The following TBC1D22A variants were observed in gnomAD, a reference collection of about 807,000 sequenced individuals.
TBC1D22A encodes the protein TBC1 domain family member 22A.
In TBC1D22A, 38 loss-of-function variants were observed where a neutral mutation model predicts 60.2. The ratio of observed to expected loss-of-function variants is 0.63; its 90% CI spans 0.49 to 0.83. TBC1D22A has a LOEUF of 0.83. Ranked by LOEUF, TBC1D22A falls within the 40% of genes least tolerant of loss-of-function variation. The pLI is 0.00. For missense variants in TBC1D22A, 628 were observed against 701.0 expected, an observed-to-expected ratio of 0.90 and a Z score of 1.18; for synonymous variants, 302 against 281.7, an observed-to-expected ratio of 1.07 and a Z score of -0.72.
intron 3 of TBC1D22A, 57 bp downstream of exon 3, chr22:46,793,898 C>T: frequency 2.1e-6 from 3 of 1,431,318 alleles, no homozygotes; most frequent in South Asian, 1.4e-5. Flanking sequence ...AAGAAAGTGG[C>T]CAGAACACAC....
At chr22:46,913,161 C>A (rs2070078958) in intron 8 of TBC1D22A, among the ~76,000 whole-genome samples, 1 of 152,118 alleles carries the variant, frequency 6.6e-6, no homozygotes, top group African/African-American at 2.4e-5. Context: ...TAAGTTAAAA[C>A]CTCTGATAAT....
At chr22:47,073,523 A>T (rs112473403) in intron 11 of TBC1D22A, among the ~76,000 whole-genome samples, 4,363 of 152,240 alleles carry the variant, frequency 0.029, 184 homozygotes, top group African/African-American at 0.1. Flanking sequence ...AGCCTCATAA[A>T]TATATACAAT....
At chr22:47,153,422 G>A (rs2067581869) in intron 12 of TBC1D22A, among the ~76,000 whole-genome samples, 1 of 152,082 alleles carries the variant, frequency 6.6e-6, no homozygotes, top group South Asian at 2.1e-4. Context: ...GGCAGCCCCT[G>A]CCATGGTGCT....
chr22:47,079,856 G>A (rs1178881034), intron 11 of TBC1D22A, among the ~76,000 whole-genome samples: 2 of 152,218 alleles, frequency 1.3e-5, no homozygotes, highest in African/African-American at 2.4e-5. Context: ...GAATAGACAA[G>A]CAAGATCCAA....
intron 4 of TBC1D22A, among the ~76,000 whole-genome samples, chr22:46,797,904 A>G (rs2084728176): frequency 6.6e-6 from 1 of 150,964 alleles, no homozygotes; most frequent in Non-Finnish European, 1.5e-5. Flanking sequence ...ACAAGGTCTT[A>G]CTCTGTTGCC....
intron 4 of TBC1D22A, among the ~76,000 whole-genome samples, chr22:46,825,456 C>T (rs1029654802): frequency 3.3e-5 from 5 of 152,098 alleles, no homozygotes; most frequent in African/African-American, 1.2e-4. Flanking sequence ...TACCCACTTG[C>T]CAAAAAAGAT....
Position 47,170,854 on chromosome 22 carries a change from C to T in TBC1D22A, c.1426-2644C>T, listed in dbSNP as rs1174227621. On this transcript the variant is annotated intron_variant, in intron 12 of 12. Transcript: ENST00000337137. ...GGTGTGTAACCCTCCTGATGCAGGACCGGAGAGAGGACAGTCCTGGTGTGT... is the reference window on the plus strand; with the variant it reads ...GGTGTGTAACCCTCCTGATGCAGGATCGGAGAGAGGACAGTCCTGGTGTGT... Among the ~76,000 whole-genome samples, 2 of 130,196 alleles carry T rather than the reference C, an allele frequency of 1.5e-5. 1 individual carries two copies. The highest frequency in any genetic ancestry group is 3.1e-5 in the Non-Finnish European group (2 of 64,870). The allele number at this position is 130,196 out of a possible 152,430, so 85.4% of individuals were successfully genotyped here. A position where few individuals can be genotyped will look rare whatever the true frequency, so the allele number is the denominator to read the frequency against.
intron 4 of TBC1D22A, among the ~76,000 whole-genome samples, chr22:46,823,697 T>C (rs918951517): frequency 6.6e-6 from 1 of 152,218 alleles, no homozygotes; most frequent in Non-Finnish European, 1.5e-5. Flanking sequence ...AGCGATGCTA[T>C]TGAGTTTTCT....
intron 12 of TBC1D22A, among the ~76,000 whole-genome samples, chr22:47,124,530 G>T (rs1292704146): frequency 6.6e-6 from 1 of 152,218 alleles, no homozygotes; most frequent in African/African-American, 2.4e-5. Flanking sequence ...ATGGGGAGGG[G>T]ACCTGCCTGT....
At chr22:47,160,354 G>A (rs1370521913) in intron 12 of TBC1D22A, among the ~76,000 whole-genome samples, 1 of 152,234 alleles carries the variant, frequency 6.6e-6, no homozygotes, top group African/African-American at 2.4e-5. Flanking sequence ...CCGGGGCCAG[G>A]CTCTGCCGTC....
intron 8 of TBC1D22A, among the ~76,000 whole-genome samples, chr22:46,928,964 G>T (rs188196996): frequency 1.1e-4 from 16 of 152,108 alleles, no homozygotes; most frequent in African/African-American, 3.6e-4. Flanking sequence ...GGGGGCCGGG[G>T]GATTGACTGT....
chr22:46,784,058 T>C (rs1387620721), intron 1 of TBC1D22A, among the ~76,000 whole-genome samples: 3 of 152,216 alleles, frequency 2.0e-5, no homozygotes, highest in African/African-American at 7.2e-5. Flanking sequence ...AATATCCTTT[T>C]TTTTGTATAC....
intron 3 of TBC1D22A, among the ~76,000 whole-genome samples, chr22:46,796,672 C>G (rs2084667794): frequency 1.4e-5 from 2 of 138,068 alleles, no homozygotes; most frequent in Non-Finnish European, 3.1e-5. Context: ...GTCTCACCAC[C>G]TGCTTGGATC....
At chr22:47,149,583 G>T (rs2067423408) in intron 12 of TBC1D22A, among the ~76,000 whole-genome samples, 1 of 152,238 alleles carries the variant, frequency 6.6e-6, no homozygotes, top group Admixed American at 6.5e-5. Flanking sequence ...AGGACTAGTG[G>T]GGAAGGGACA....
chr22:47,037,651 T>C (rs2062700077), intron 11 of TBC1D22A, among the ~76,000 whole-genome samples: 1 of 152,024 alleles, frequency 6.6e-6, no homozygotes, highest in African/African-American at 2.4e-5. Flanking sequence ...TAAATAAAAA[T>C]AAAAGAGTAT....
chr22:46,792,882 C>G (rs1817548139), intron 2 of TBC1D22A: 1 of 1,427,768 alleles, frequency 7.0e-7, no homozygotes, highest in African/African-American at 1.4e-5. Flanking sequence ...TCCATGCTGG[C>G]TTGTCCTTTC....
chr22:47,003,160 T>C (rs2061451778), intron 10 of TBC1D22A, among the ~76,000 whole-genome samples: 1 of 152,118 alleles, frequency 6.6e-6, no homozygotes, highest in African/African-American at 2.4e-5. Flanking sequence ...GTGAACAATT[T>C]TTTAATATAA....
chr22:46,959,943 C>T (rs901503728), intron 8 of TBC1D22A, among the ~76,000 whole-genome samples: 2 of 152,202 alleles, frequency 1.3e-5, no homozygotes, highest in Non-Finnish European at 2.9e-5. Flanking sequence ...TGAAAGTCTC[C>T]TTTAGCTTTG....
At chr22:46,985,064 G>T (rs1426373185) in intron 9 of TBC1D22A, among the ~76,000 whole-genome samples, 1 of 152,222 alleles carries the variant, frequency 6.6e-6, no homozygotes, top group African/African-American at 2.4e-5. Flanking sequence ...CATGAGCTCA[G>T]GCAGCTGGAA....
Sources: gnomAD v4.1 joint callset for allele counts (sites outside exome capture counted in the v4.1 genomes callset) on GRCh38, gnomAD v4.1.1 for gene constraint, MANE v1.5 for transcripts, NCBI Gene and HGNC (gene_info 2026-07-23, HGNC 2026-07-21) for gene names.